Variants in PSD3 observed in about 807,000 individuals in gnomAD.
The protein encoded by PSD3 is pleckstrin and Sec7 domain containing 3.
A neutral mutation model predicts 105.5 loss-of-function variants in PSD3; 49 were observed. The observed-to-expected ratio is 0.46, with a 90% confidence interval of 0.37 to 0.59. The LOEUF (loss-of-function observed/expected upper bound fraction) is 0.59. Among genes scored for constraint, PSD3 ranks in the 20% least tolerant of loss-of-function variants. PSD3 has a pLI of 0.00. For synonymous variants in PSD3, 557 were observed against 457.8 expected, an observed-to-expected ratio of 1.22 and a Z score of -2.77; for missense variants, 1,561 against 1,263.8, an observed-to-expected ratio of 1.24 and a Z score of -3.57.
chr8:18,933,756 C>T (rs1010762379), intron 2 of PSD3, among the ~76,000 whole-genome samples: 2 of 152,192 alleles, frequency 1.3e-5, no homozygotes, highest in African/African-American at 2.4e-5. Flanking sequence ...GTGTGAGCAA[C>T]TACGCCAGGC....
chr8:18,614,448 C>A (rs1179109823), intron 11 of PSD3, among the ~76,000 whole-genome samples: 1 of 143,276 alleles, frequency 7.0e-6, no homozygotes, highest in Non-Finnish European at 1.5e-5. Flanking sequence ...TTAGGTAAAA[C>A]GCAGGATGCT....
rs59598569 is a variant in PSD3 at position 18,879,051 on chromosome 8, AACACACAC to A, written c.131-6326_131-6319del. On this transcript the variant is annotated intron_variant, in intron 2 of 15. Transcript: ENST00000327040. ...ACAAACAAACAAACACACACACACA[AACACACAC>A]ACACACACACACACACACACACACA... Among the ~76,000 whole-genome samples, 419 of 138,670 alleles carry A rather than the reference AACACACAC, an allele frequency of 3.0e-3. 1 individual carries two copies. The highest frequency in any genetic ancestry group is 4.5e-3 in the Non-Finnish European group (285 of 62,736). 91.0% of individuals were successfully genotyped at this position (138,670 alleles called of 152,430 possible).
At chr8:18,647,109 T>G (rs1808092675) in intron 10 of PSD3, among the ~76,000 whole-genome samples, 1 of 152,190 alleles carries the variant, frequency 6.6e-6, no homozygotes, top group Non-Finnish European at 1.5e-5. Flanking sequence ...GAGGAAATCT[T>G]TGCAAAATTT....
At chr8:19,071,642 G>A (rs1347762842) in intron 1 of PSD3, among the ~76,000 whole-genome samples, 1 of 152,136 alleles carries the variant, frequency 6.6e-6, no homozygotes, top group Non-Finnish European at 1.5e-5. Flanking sequence ...GGGAAGGGTG[G>A]GTGCATTTAT....
intron 6 of PSD3, 59 bp from the exon 7 acceptor site, chr8:18,801,441 C>A: frequency 1.1e-6 from 1 of 908,026 alleles, no homozygotes; most frequent in South Asian, 1.5e-5. Context: ...CACACTCTTT[C>A]ATAGTTAAAA....
Position 19,079,582 on chromosome 8 carries a change from G to A in PSD3, c.324+4624C>T, listed in dbSNP as rs76365400. Among the ~76,000 whole-genome samples the A allele has an allele frequency of 1.2e-4, 19 of 152,276 alleles. No homozygotes were observed. The East Asian group carries it at 3.7e-3, about 29-fold the overall frequency. ...ATAACGAAATGTTTACCTTTAATGA[G>A]GTAAGTGACTGCTTCCTGGGGGTTA... On this transcript the variant is annotated intron_variant, in intron 1 of 1. Coordinates refer to the PSD3 transcript ENST00000521475.
intron 9 of PSD3, among the ~76,000 whole-genome samples, chr8:18,738,333 G>A (rs147831435): frequency 7.4e-4 from 113 of 152,150 alleles, no homozygotes; most frequent in African/African-American, 2.6e-3. Context: ...CTATCTCTCT[G>A]AAACTCCTTT....
At chr8:18,995,355 T>A (rs1195333054) in intron 1 of PSD3, among the ~76,000 whole-genome samples, 3 of 152,092 alleles carry the variant, frequency 2.0e-5, no homozygotes, top group Non-Finnish European at 2.9e-5. Flanking sequence ...GTAGCTTTTT[T>A]GCAAAGATCA....
chr8:18,793,175 G>A (rs937539882), intron 8 of PSD3, among the ~76,000 whole-genome samples: 3 of 152,022 alleles, frequency 2.0e-5, no homozygotes, highest in Non-Finnish European at 4.4e-5. Context: ...CCTGTCGTGG[G>A]GTGGGGAGAG....
At chr8:18,982,925 G>A (rs899327088) in intron 1 of PSD3, among the ~76,000 whole-genome samples, 4 of 152,166 alleles carry the variant, frequency 2.6e-5, no homozygotes, top group African/African-American at 7.2e-5. Flanking sequence ...GAGTCAGCCT[G>A]TCTTTTGAAG....
At chr8:18,962,204 C>T (rs918117717) in intron 1 of PSD3, among the ~76,000 whole-genome samples, 2 of 151,878 alleles carry the variant, frequency 1.3e-5, no homozygotes, top group Non-Finnish European at 2.9e-5. Context: ...CAAGATGGTG[C>T]CACTGCACTA....
intron 9 of PSD3, among the ~76,000 whole-genome samples, chr8:18,703,816 A>C (rs1801729993): frequency 1.3e-5 from 2 of 152,240 alleles, no homozygotes; most frequent in African/African-American, 4.8e-5. Flanking sequence ...AAATGGATAC[A>C]GCTGAATCTC....
At chr8:18,938,721 A>T (rs1185940560) in intron 1 of PSD3, among the ~76,000 whole-genome samples, 5 of 152,180 alleles carry the variant, frequency 3.3e-5, no homozygotes, top group African/African-American at 1.2e-4. Flanking sequence ...TTCTAATGTA[A>T]TACATGGAAT....
At chr8:18,785,351 G>T (rs78700717) in intron 8 of PSD3, among the ~76,000 whole-genome samples, 7,501 of 152,170 alleles carry the variant, frequency 0.049, 375 homozygotes, top group East Asian at 0.14. Flanking sequence ...AAGCATTTTA[G>T]GTTATGAAGA....
intron 9 of PSD3, chr8:18,730,037 A>C (rs938716548): frequency 6.6e-6 from 1 of 152,230 alleles, no homozygotes; most frequent in Non-Finnish European, 1.5e-5. Context: ...TTTTTGAAAC[A>C]GGAATATCAT....
At chr8:18,638,716 AT>A (rs1554528670) in intron 10 of PSD3, among the ~76,000 whole-genome samples, 3 of 152,096 alleles carry the variant, frequency 2.0e-5, no homozygotes, top group Non-Finnish European at 4.4e-5. Flanking sequence ...TTCCAATGTC[AT>A]TTTTTATAGG....
At chr8:18,864,973 C>G (rs963722312) in intron 4 of PSD3, 9 of 151,794 alleles carry the variant, frequency 5.9e-5, no homozygotes, top group Non-Finnish European at 1.2e-4. Flanking sequence ...CCGACAACAA[C>G]AACAAGCAGC....
At chr8:18,719,152 G>T (rs924267360) in intron 9 of PSD3, among the ~76,000 whole-genome samples, 4 of 152,210 alleles carry the variant, frequency 2.6e-5, no homozygotes, top group Non-Finnish European at 5.9e-5. Context: ...GCTCTGCTCT[G>T]TTTGGCCAAT....
At chr8:18,784,251 C>T (rs889795683) in intron 8 of PSD3, among the ~76,000 whole-genome samples, 6 of 152,038 alleles carry the variant, frequency 3.9e-5, no homozygotes, top group East Asian at 3.9e-4. Flanking sequence ...ATTTAATATA[C>T]GGTGCTAATT....
Sources: gnomAD v4.1 joint callset for allele counts (sites outside exome capture counted in the v4.1 genomes callset) on GRCh38, gnomAD v4.1.1 for gene constraint, MANE v1.5 for transcripts, NCBI Gene and HGNC (gene_info 2026-07-23, HGNC 2026-07-21) for gene names.